ZNF330: variants seen among roughly 807,000 people sequenced by gnomAD.
ZNF330 encodes nucleolar atypical zinc finger.
Under a neutral mutation model 45.5 loss-of-function variants are expected in ZNF330, and 31 were observed. The ratio of observed to expected loss-of-function variants is 0.68; its 90% confidence interval spans 0.51 to 0.92. The LOEUF (loss-of-function observed/expected upper bound fraction) is 0.92. Ranked by LOEUF, ZNF330 falls within the 40% of genes least tolerant of loss-of-function variation. ZNF330 has a pLI of 0.00. For missense variants in ZNF330, 356 were observed against 387.4 expected, an observed-to-expected ratio of 0.92 and a Z score of 0.68; for synonymous variants, 138 against 123.2, an observed-to-expected ratio of 1.12 and a Z score of -0.79.
At chr4:141,222,327 A>T (rs1346786617) in intron 1 of ZNF330, 39 bp from the exon 2 acceptor site, 2 of 1,593,954 alleles carry the variant, frequency 1.3e-6, no homozygotes, top group South Asian at 2.3e-5. Context: ...AAATGCAGTC[A>T]GTCAATTATA....
At position 141,234,627 on chromosome 4, in the gene ZNF330, A is replaced by G. The variant is rs1010951367; in HGVS notation, c.*638A>G. The G allele has an allele frequency of 1.3e-5, 2 of 152,208 alleles. No homozygotes were observed. Among genetic ancestry groups the G allele is most frequent in the African/African-American group, 2.4e-5 (1 of 41,454 alleles). The allele number at this position is 152,208 out of a possible 1,614,324, so 9.4% of individuals were successfully genotyped here. ...ATTTTTCAGAGATACAGTATCAGAA[A>G]TAGTATTATTACAGAAGCTTTACCC... On this transcript the variant is annotated 3_prime_UTR_variant, in exon 10 of 10. Transcript: ENST00000262990.
chr4:141,227,938 C>G (rs1728851296), intron 5 of ZNF330, among the ~76,000 whole-genome samples: 1 of 151,986 alleles, frequency 6.6e-6, no homozygotes, highest in Non-Finnish European at 1.5e-5. Flanking sequence ...AACATGTTTT[C>G]CTTCTAAATA....
chr4:141,224,269 A>G (rs971399972), intron 2 of ZNF330, among the ~76,000 whole-genome samples: 1 of 152,182 alleles, frequency 6.6e-6, no homozygotes, highest in Non-Finnish European at 1.5e-5. Context: ...CTTTGTGATA[A>G]TGCCACTTCT....
rs768846135 is a variant in ZNF330, at chr4:141,229,588, CT to C, written c.310del (p.Cys104ValfsTer65). ...GGTTACAGGGTGCAATATGTGACTT[CT>C]GTGAAGCTTGGGTTTGCCATGGTAG... is the stretch of plus-strand genomic sequence containing the variant. ...LAMVGAICDFCEAWVCHGRKC... is the reference protein window; with the variant it reads ...LAMVGAICDFXEAWVCHGRKC... On this transcript the variant is annotated frameshift_variant, in exon 6 of 10. Transcript: ENST00000262990. LOFTEE classifies it high-confidence loss of function. 4 of 1,612,750 alleles carry C rather than the reference CT, an allele frequency of 2.5e-6. No individual in the cohort carries two copies. The highest frequency in any genetic ancestry group is 3.4e-6 in the Non-Finnish European group (4 of 1,179,162).
intron 7 of ZNF330, 72 bp from the exon 8 acceptor site, chr4:141,231,367 G>T: frequency 7.1e-6 from 10 of 1,417,704 alleles, no homozygotes; most frequent in Non-Finnish European, 9.6e-6. Context: ...AGCTTTTAGT[G>T]ATTTGATAAA....
In ZNF330 at chr4:141,231,444, T is replaced by G; in HGVS notation, c.529T>G (p.Ser177Ala). The G allele has an allele frequency of 6.3e-7, 1 of 1,597,590 alleles. No individual in the cohort carries two copies. The highest frequency in any genetic ancestry group is 1.1e-5 in the South Asian group (1 of 87,756). The change falls in exon 8 of 10, where the codon TCA becomes GCA. Residue 177 changes from serine (S) to alanine (A), a missense_variant. Transcript: ENST00000262990. ...AATTAATCTATTTCCCACAGGTGTT[T>G]CATGCAATCGGCTTGGTCAGCACTC... Reference protein sequence around the residue: ...VLEAETFKCVSCNRLGQHSCL... With the variant: ...VLEAETFKCVACNRLGQHSCL...
chr4:141,233,975 G>A lies in ZNF330; in HGVS notation c.949G>A (p.Glu317Lys), dbSNP rs911532459. 2 of 1,612,188 alleles carry A rather than the reference G, an allele frequency of 1.2e-6. No individual in the cohort carries two copies. Among genetic ancestry groups the A allele is most frequent in the Middle Eastern group, 1.7e-4 (1 of 6,042 alleles). ...TYASGYAHYE[E>K]QEN ...TGCTAGTGGCTATGCTCACTATGAG[G>A]AACAAGAGAACTAGGGGAGCTGCTC... Residue 317 changes from glutamate (E) to lysine (K), a missense_variant, in exon 10 of 10, where the codon GAA becomes AAA. Coordinates refer to ENST00000262990, the MANE Select transcript of ZNF330 (RefSeq NM_014487.6).
intron 1 of ZNF330, among the ~76,000 whole-genome samples, chr4:141,221,703 A>G (rs915871012): frequency 6.6e-6 from 1 of 152,226 alleles, no homozygotes; most frequent in Non-Finnish European, 1.5e-5. Flanking sequence ...TTTCAACTAA[A>G]TGATGAAAAT....
At chr4:141,230,377 C>T (rs1230797673) in intron 7 of ZNF330, 107 bp downstream of exon 7, 1 of 584,774 alleles carries the variant, frequency 1.7e-6, no homozygotes, top group East Asian at 2.9e-5. Flanking sequence ...TTCTCATGAA[C>T]TGTAATTTAA....
intron 6 of ZNF330, 58 bp from the exon 7 acceptor site, chr4:141,230,108 T>G (rs3756106): frequency 8.2e-7 from 1 of 1,215,900 alleles, no homozygotes; most frequent in Admixed American, 1.9e-5. Flanking sequence ...ATTATAGATA[T>G]GAGTTTTTTT....
chr4:141,221,253 C>T, intron 1 of ZNF330, 145 bp downstream of exon 1: 1 of 155,196 alleles, frequency 6.4e-6, no homozygotes, highest in Non-Finnish European at 1.4e-5. Flanking sequence ...AGCCGCAGTG[C>T]CCCGTGCCTG....
chr4:141,224,573 G>C, intron 3 of ZNF330, 34 bp from the exon 4 acceptor site: 1 of 1,610,484 alleles, frequency 6.2e-7, no homozygotes, highest in Non-Finnish European at 8.5e-7. Context: ...ATCTGACATT[G>C]ACCATAATTT....
chr4:141,226,537 A>T (rs1728808349), intron 4 of ZNF330, among the ~76,000 whole-genome samples: 1 of 152,154 alleles, frequency 6.6e-6, no homozygotes, highest in Admixed American at 6.5e-5. Flanking sequence ...TGTATAGTTC[A>T]TTTTACAGAT....
chr4:141,230,061 G>C, intron 6 of ZNF330, 105 bp from the exon 7 acceptor site: 1 of 806,776 alleles, frequency 1.2e-6, no homozygotes, highest in East Asian at 2.6e-5. Context: ...CAATTTTGGT[G>C]TATCTCCAAA....
chr4:141,229,637 T>A lies in ZNF330; in HGVS notation c.358T>A (p.Cys120Ser). The A allele has an allele frequency of 1.2e-6, 2 of 1,613,246 alleles. No homozygotes were observed. Among genetic ancestry groups the A allele is most frequent in the Non-Finnish European group, 1.7e-6 (2 of 1,179,364 alleles). ...HGRKCLSTHA[C>S]ACPLTDAECV... ...TAGGAAATGTCTCAGTACACATGCT[T>A]GTGCCTGCCCTCTTACCGATGCTGA... Residue 120 changes from cysteine (C) to serine (S), a missense_variant, in exon 6 of 10, where the codon TGT becomes AGT. Transcript: ENST00000262990.
chr4:141,222,077 CT>C (rs1381514823), intron 1 of ZNF330, among the ~76,000 whole-genome samples: 1 of 151,912 alleles, frequency 6.6e-6, no homozygotes, highest in Non-Finnish European at 1.5e-5. Flanking sequence ...ATTGGAGAAA[CT>C]TTTTTCTTAG....
At chr4:141,229,499 G>A in intron 5 of ZNF330, 72 bp from the exon 6 acceptor site, 1 of 1,589,512 alleles carries the variant, frequency 6.3e-7, no homozygotes, top group Non-Finnish European at 8.6e-7. Context: ...AGTTTTGATG[G>A]TTGCCGTGGT....
Position 141,220,996 on chromosome 4 carries a change from T to C in ZNF330, c.-119T>C, listed in dbSNP as rs1417368083. On this transcript the variant is annotated 5_prime_UTR_variant, in exon 1 of 10. Coordinates refer to ENST00000262990, the MANE Select transcript of ZNF330 (RefSeq NM_014487.6). ...CTTTCCCGGAGTCCTGGTCCACGAG[T>C]TGGATTTACTGCTGTCGCGGGTGGG... 5 of 152,212 alleles carry C rather than the reference T, an allele frequency of 3.3e-5. No homozygotes were observed. The highest frequency in any genetic ancestry group is 5.9e-5 in the Non-Finnish European group (4 of 68,084). The allele number at this position is 152,212 out of a possible 1,614,324, so 9.4% of individuals were successfully genotyped here. A position where few individuals can be genotyped will look rare whatever the true frequency, so the allele number is the denominator to read the frequency against.
Position 141,234,021 on chromosome 4 carries a change from A to AGC in ZNF330, c.*33_*34dup. ...TGCTCTGGTGGCCGTGTGTGAGAGG[A>AGC]GCAGGAGTGAGTGTGTGTGCTTGAT... On this transcript the variant is annotated 3_prime_UTR_variant, in exon 10 of 10. Coordinates refer to ENST00000262990, the MANE Select transcript of ZNF330 (RefSeq NM_014487.6). 1 of 1,585,424 alleles carries AGC rather than the reference A, an allele frequency of 6.3e-7. No homozygotes were observed. Among genetic ancestry groups the AGC allele is most frequent in the Non-Finnish European group, 8.6e-7 (1 of 1,166,414 alleles).
Sources: gnomAD v4.1 joint callset for allele counts (sites outside exome capture counted in the v4.1 genomes callset) on GRCh38, gnomAD v4.1.1 for gene constraint, MANE v1.5 for transcripts, NCBI Gene and HGNC (gene_info 2026-07-23, HGNC 2026-07-21) for gene names.